The following ARPP21 variants were observed in gnomAD, a reference collection of about 807,000 sequenced individuals.
ARPP21 encodes cAMP-regulated phosphoprotein 21.
ARPP21 carries 69 observed loss-of-function variants against 113.2 expected under a neutral mutation model. The observed-to-expected ratio is 0.61, with a 90% confidence interval of 0.50 to 0.74. The LOEUF is 0.74. Among genes scored for constraint, ARPP21 ranks in the 30% least tolerant of loss-of-function variants. The pLI is 0.00. For synonymous variants in ARPP21, 368 were observed against 375.5 expected, an observed-to-expected ratio of 0.98 and a Z score of 0.23; for missense variants, 1,070 against 1,037.4, an observed-to-expected ratio of 1.03 and a Z score of -0.43.
intron 5 of ARPP21, chr3:35,684,915 C>A: frequency 1.0e-6 from 1 of 985,122 alleles, no homozygotes; most frequent in Non-Finnish European, 1.2e-6. Context: ...TACTTGGGCT[C>A]TGAGAAATGT....
At chr3:35,769,184 A>C (rs2096102593) in intron 19 of ARPP21, among the ~76,000 whole-genome samples, 1 of 152,192 alleles carries the variant, frequency 6.6e-6, no homozygotes, top group Non-Finnish European at 1.5e-5. Flanking sequence ...AGAAAGCTGC[A>C]CAGCCTTTCA....
chr3:35,742,806 C>T (rs748159946), intron 18 of ARPP21, among the ~76,000 whole-genome samples: 7 of 152,086 alleles, frequency 4.6e-5, no homozygotes, highest in Admixed American at 3.3e-4. Context: ...TGTTTGTAGG[C>T]GGTCTACTAG....
At chr3:35,787,067 G>C (rs1015977731) in intron 19 of ARPP21, among the ~76,000 whole-genome samples, 21 of 152,168 alleles carry the variant, frequency 1.4e-4, no homozygotes, top group Non-Finnish European at 3.1e-4. Context: ...AATCCATAGT[G>C]TTCACAGAAT....
intron 1 of ARPP21, among the ~76,000 whole-genome samples, chr3:35,647,950 C>T (rs1700871282): frequency 1.3e-5 from 2 of 152,302 alleles, no homozygotes; most frequent in South Asian, 4.1e-4. Flanking sequence ...AAAGAAACCA[C>T]TTTTCTTTCA....
intron 19 of ARPP21, among the ~76,000 whole-genome samples, chr3:35,756,299 C>T (rs1054637678): frequency 6.6e-6 from 1 of 152,080 alleles, no homozygotes; most frequent in Non-Finnish European, 1.5e-5. Flanking sequence ...AACTTAGGCA[C>T]TCTGTTTAGA....
chr3:35,729,465 G>A lies in ARPP21; in HGVS notation c.1388G>A (p.Ser463Asn). Reference sequence around the variant, plus strand: ...GGCCAGGTTGCTCCCAGCAGCACCAGCTACATCCTCCTTCCACTTGAAGCT... The same window carrying A: ...GGCCAGGTTGCTCCCAGCAGCACCAACTACATCCTCCTTCCACTTGAAGCT... ...IGGQVAPSST[S>N]YILLPLEAAT... is the part of the protein sequence containing the mutation. The change falls in exon 15 of 21, where the codon AGC becomes AAC. Residue 463 changes from serine to asparagine, a missense_variant. Physicochemically the swap from Ser to Asn is conservative, Grantham distance 46. Coordinates refer to ENST00000684406, the MANE Select transcript of ARPP21 (RefSeq NM_001385562.1). 6.2e-7 allele frequency: 1 copy of A among 1,614,224 alleles called. No homozygotes were observed. The highest frequency in any genetic ancestry group is 1.7e-5 in the Admixed American group (1 of 60,030).
intron 15 of ARPP21, among the ~76,000 whole-genome samples, chr3:35,734,348 G>A (rs888082112): frequency 1.3e-5 from 2 of 152,136 alleles, no homozygotes; most frequent in Non-Finnish European, 2.9e-5. Context: ...GGAAAAATGG[G>A]TTGCAGTTTT....
rs199709009 is a variant in ARPP21, at chr3:35,748,433, G to GAGAA, written c.2137+4482_2137+4485dup. 2.4e-3 allele frequency among the ~76,000 whole-genome samples: 336 copies of GAGAA among 139,434 alleles called. 1 individual carries two copies. The highest frequency in any genetic ancestry group is 5.1e-3 in the Middle Eastern group (1 of 196). 91.5% of individuals were successfully genotyped at this position (139,434 alleles called of 152,430 possible). A position where few individuals can be genotyped will look rare whatever the true frequency, so the allele number is the denominator to read the frequency against. ...GAGAGAGAAAGAAAAGAGAAAGAAA[G>GAGAA]AGAAAGAAAGAAAGAAAAGAAAGAA... On this transcript the variant is annotated intron_variant, in intron 19 of 20. Coordinates refer to ENST00000684406, the MANE Select transcript of ARPP21 (RefSeq NM_001385562.1).
chr3:35,689,637 A>G (rs1466648506), intron 7 of ARPP21, among the ~76,000 whole-genome samples: 2 of 151,630 alleles, frequency 1.3e-5, no homozygotes, highest in African/African-American at 4.8e-5. Flanking sequence ...TCACAAAGAG[A>G]TACTGGCTAA....
intron 19 of ARPP21, among the ~76,000 whole-genome samples, chr3:35,755,928 A>G (rs1242930770): frequency 2.6e-5 from 4 of 152,092 alleles, no homozygotes; most frequent in African/African-American, 9.7e-5. Flanking sequence ...AAATTGCTGA[A>G]CTTATAAGAC....
At chr3:35,713,769 C>CTA (rs1222873846) in intron 11 of ARPP21, among the ~76,000 whole-genome samples, 5 of 152,132 alleles carry the variant, frequency 3.3e-5, no homozygotes, top group Admixed American at 2.6e-4. Context: ...CCCCCAAATG[C>CTA]TATTAGATTG....
At chr3:35,678,788 AG>A (rs2078149945) in intron 1 of ARPP21, 1 of 151,938 alleles carries the variant, frequency 6.6e-6, no homozygotes, top group Non-Finnish European at 1.5e-5. Flanking sequence ...GGAGGGAGAG[AG>A]GGTTTCTAAC....
At chr3:35,717,385 T>A (rs760839831) in intron 13 of ARPP21, 28 bp downstream of exon 13, 2 of 1,429,458 alleles carry the variant, frequency 1.4e-6, no homozygotes, top group Middle Eastern at 1.8e-4. Flanking sequence ...TCTTAAACTG[T>A]GTTTTTTTCA....
intron 1 of ARPP21, among the ~76,000 whole-genome samples, chr3:35,642,785 A>G (rs1480553743): frequency 2.0e-5 from 3 of 152,160 alleles, no homozygotes; most frequent in Non-Finnish European, 2.9e-5. Flanking sequence ...TGCCTTGTGA[A>G]TTGCTTCATT....
In ARPP21 at chr3:35,729,231, A is replaced by G. The variant is rs377695825; in HGVS notation, c.1226-72A>G. The G allele has an allele frequency of 9.3e-5, 98 of 1,053,332 alleles. No individual in the cohort carries two copies. In the African/African-American group the frequency reaches 1.3e-3, roughly 14 times the overall value. 65.2% of individuals were successfully genotyped at this position (1,053,332 alleles called of 1,614,324 possible). ...AATGATGTGTCGCAGAAAAGTGAGC[A>G]TTTAGACTCAGATTGGTGCTTTCTC... On this transcript the variant is annotated intron_variant, in intron 14 of 20. Transcript: ENST00000684406.
At chr3:35,689,521 A>AT (rs556029454) in intron 7 of ARPP21, 136 bp downstream of exon 7, 8 of 580,984 alleles carry the variant, frequency 1.4e-5, no homozygotes, top group South Asian at 4.7e-5. Context: ...TGTCTCCTGT[A>AT]TTTTTTTTCT....
chr3:35,738,101 C>G lies in ARPP21; in HGVS notation c.1645-113C>G, dbSNP rs2094464431. ...TGACTTTCCTTTGGTGGCTAGTTCCCCTCTCTGGAGTGCACTGAACCTAGA... is the reference window on the plus strand; with the variant it reads ...TGACTTTCCTTTGGTGGCTAGTTCCGCTCTCTGGAGTGCACTGAACCTAGA... On this transcript the variant is annotated intron_variant, in intron 16 of 20. Transcript: ENST00000684406. The G allele has an allele frequency of 2.0e-5, 13 of 637,912 alleles. No homozygotes were observed. In the South Asian group the frequency reaches 2.7e-4, roughly 13 times the overall value. The allele number at this position is 637,912 out of a possible 1,614,324, so 39.5% of individuals were successfully genotyped here.
At chr3:35,744,014 T>A (rs753874528) in intron 19 of ARPP21, 49 bp downstream of exon 19, 18 of 1,606,948 alleles carry the variant, frequency 1.1e-5, no homozygotes, top group Non-Finnish European at 1.3e-5. Context: ...TTATTTTTGC[T>A]GGTGAATCTT....
chr3:35,747,552 G>A (rs2095145041), intron 19 of ARPP21, among the ~76,000 whole-genome samples: 1 of 152,126 alleles, frequency 6.6e-6, no homozygotes, highest in East Asian at 1.9e-4. Flanking sequence ...CAATAGTGGG[G>A]AGATGGTTTT....
Sources: allele counts gnomAD v4.1 joint callset (sites outside exome capture counted in the v4.1 genomes callset), GRCh38; gene constraint gnomAD v4.1.1; transcripts MANE v1.5; gene names NCBI Gene and HGNC (gene_info 2026-07-23, HGNC 2026-07-21).